The following SLC25A21 variants were observed in gnomAD, a reference collection of about 807,000 sequenced individuals.
SLC25A21 encodes solute carrier family 25 member 21, also known as mitochondrial 2-oxodicarboxylate carrier.
A neutral mutation model predicts 43.8 loss-of-function variants in SLC25A21; 47 were observed. The observed-to-expected ratio is 1.07, with a 90% CI of 0.85 to 1.37. The LOEUF (loss-of-function observed/expected upper bound fraction) is 1.37. SLC25A21 is among the 40% of genes most tolerant of loss of function. The probability of loss-of-function intolerance (pLI) is 0.00; values close to 1 mark genes in which losing one functional copy is unlikely to be tolerated. For missense variants in SLC25A21, 352 were observed against 350.2 expected (o/e 1.00, Z -0.04); for synonymous variants, 131 against 121.3 (o/e 1.08, Z -0.52).
intron 1 of SLC25A21, among the ~76,000 whole-genome samples, chr14:36,889,442 T>C (rs1216472454): frequency 2.0e-5 from 3 of 152,194 alleles, no homozygotes; most frequent in Non-Finnish European, 2.9e-5. Context: ...TGTAATAACA[T>C]TGAATACATT....
chr14:36,977,349 C>T (rs1313549983), intron 1 of SLC25A21, among the ~76,000 whole-genome samples: 1 of 152,146 alleles, frequency 6.6e-6, no homozygotes, highest in Non-Finnish European at 1.5e-5. Context: ...ATATTCTTTG[C>T]TTAGAAGGCC....
At chr14:36,801,178 C>T (rs1205408447) in intron 3 of SLC25A21, among the ~76,000 whole-genome samples, 3 of 152,134 alleles carry the variant, frequency 2.0e-5, no homozygotes, top group Admixed American at 6.6e-5. Flanking sequence ...TCCTCAGCCT[C>T]AAGGGGCTAC....
intron 1 of SLC25A21, among the ~76,000 whole-genome samples, chr14:37,015,816 G>GT (rs1385437247): frequency 6.6e-6 from 1 of 152,128 alleles, no homozygotes; most frequent in Non-Finnish European, 1.5e-5. Context: ...TTTTTCATGT[G>GT]TTTTTTGGCT....
chr14:36,812,417 A>C (rs1313513666), intron 3 of SLC25A21, among the ~76,000 whole-genome samples: 3 of 151,486 alleles, frequency 2.0e-5, no homozygotes, highest in Non-Finnish European at 4.4e-5. Context: ...ATAGCTAGCA[A>C]TGTACTTTAC....
Position 36,680,782 on chromosome 14 carries a change from G to A in SLC25A21, c.839-63C>T, listed in dbSNP as rs139819124. ...CTGGAATAGCACTGGCTTTCCCACT[G>A]GGTTTCTGAATCCATGATGTCTCGC... On this transcript the variant is annotated intron_variant, in intron 9 of 9. Coordinates refer to ENST00000331299, the MANE Select transcript of SLC25A21 (RefSeq NM_030631.4). The A allele has an allele frequency of 4.4e-5, 66 of 1,504,846 alleles. No individual in the cohort carries two copies. The African/African-American group carries it at 7.2e-4, about 16-fold the overall frequency. 93.2% of individuals were successfully genotyped at this position (1,504,846 alleles called of 1,614,324 possible).
intron 1 of SLC25A21, among the ~76,000 whole-genome samples, chr14:36,878,668 T>G (rs1890618954): frequency 6.6e-6 from 1 of 152,186 alleles, no homozygotes; most frequent in South Asian, 2.1e-4. Context: ...AATGAGCTAG[T>G]GAGCACAAAT....
At chr14:36,874,895 T>C (rs1348241542) in intron 2 of SLC25A21, 61 bp downstream of exon 2, 30 of 1,424,966 alleles carry the variant, frequency 2.1e-5, no homozygotes, top group Non-Finnish European at 2.7e-5. Context: ...TTTAGTGCTC[T>C]GACAGATCTT....
At chr14:36,686,581 ATAAG>A (rs1225556627) in intron 7 of SLC25A21, among the ~76,000 whole-genome samples, 4 of 152,184 alleles carry the variant, frequency 2.6e-5, no homozygotes, top group African/African-American at 7.2e-5. Context: ...AAACAATAAT[ATAAG>A]TAAAAGTGTT....
chr14:36,756,433 G>C (rs773897665), intron 3 of SLC25A21, among the ~76,000 whole-genome samples: 6 of 152,248 alleles, frequency 3.9e-5, no homozygotes, highest in African/African-American at 1.4e-4. Context: ...CTCCCCAGAG[G>C]TTTTGGATCT....
intron 2 of SLC25A21, among the ~76,000 whole-genome samples, chr14:36,819,505 C>T (rs1888558522): frequency 6.6e-6 from 1 of 151,968 alleles, no homozygotes; most frequent in African/African-American, 2.4e-5. Flanking sequence ...ATAGATATAC[C>T]ACTTCCACTT....
chr14:36,839,235 C>A lies in SLC25A21; in HGVS notation c.120-25234G>T, dbSNP rs111844005. Among the ~76,000 whole-genome samples the A allele has an allele frequency of 5.3e-3, 801 of 152,274 alleles. 7 individuals carry two copies. Among genetic ancestry groups the A allele is most frequent in the African/African-American group, 0.018 (729 of 41,556 alleles). Reference sequence around the variant, plus strand: ...ATTAGAAATCCTCATAGGATTAACACACTTAACTCATCTCTGAAACCAAAT... The same window carrying A: ...ATTAGAAATCCTCATAGGATTAACAAACTTAACTCATCTCTGAAACCAAAT... On this transcript the variant is annotated intron_variant, in intron 2 of 9. Coordinates refer to ENST00000331299, the MANE Select transcript of SLC25A21 (RefSeq NM_030631.4).
chr14:36,768,961 C>CTGTCTA (rs1434733446), intron 3 of SLC25A21, among the ~76,000 whole-genome samples: 1 of 149,830 alleles, frequency 6.7e-6, no homozygotes, highest in Non-Finnish European at 1.5e-5. Context: ...AAACCTATAT[C>CTGTCTA]TATCTATATC....
At chr14:36,963,247 T>C (rs1959538036) in intron 1 of SLC25A21, among the ~76,000 whole-genome samples, 2 of 152,174 alleles carry the variant, frequency 1.3e-5, no homozygotes, top group South Asian at 4.1e-4. Context: ...AAGCTTATTG[T>C]ATTTTTTAAA....
rs561280137 is a variant in SLC25A21 at position 36,799,478 on chromosome 14, T to A, written c.203+14440A>T. Among the ~76,000 whole-genome samples the A allele has an allele frequency of 3.1e-3, 467 of 152,224 alleles. 1 individual carries two copies. Among genetic ancestry groups the A allele is most frequent in the Non-Finnish European group, 5.4e-3 (365 of 68,010 alleles). ...AAATATATCAAGTAGTGCCCCGGCA[T>A]CCTGAAGAAACATTTGAAAAAATGT... On this transcript the variant is annotated intron_variant, in intron 3 of 9. Transcript: ENST00000331299.
chr14:37,157,045 C>T (rs1963862868), intron 1 of SLC25A21, among the ~76,000 whole-genome samples: 1 of 152,122 alleles, frequency 6.6e-6, no homozygotes, highest in South Asian at 2.1e-4. Context: ...ACACAAGTCA[C>T]AACAAATTTT....
chr14:36,745,492 G>A (rs746118727), intron 3 of SLC25A21, among the ~76,000 whole-genome samples: 7 of 151,994 alleles, frequency 4.6e-5, no homozygotes, highest in East Asian at 3.9e-4. Flanking sequence ...TCTCCACATC[G>A]TCTCCAGCCT....
At chr14:36,862,222 C>T (rs895760375) in intron 2 of SLC25A21, among the ~76,000 whole-genome samples, 3 of 152,076 alleles carry the variant, frequency 2.0e-5, no homozygotes, top group African/African-American at 7.2e-5. Context: ...GGACCTAGAA[C>T]CAGAAATACC....
chr14:36,743,681 A>G (rs1442941220), intron 3 of SLC25A21, among the ~76,000 whole-genome samples: 1 of 152,182 alleles, frequency 6.6e-6, no homozygotes, highest in African/African-American at 2.4e-5. Flanking sequence ...ATCATATTCA[A>G]CGTAGTACTG....
intron 1 of SLC25A21, among the ~76,000 whole-genome samples, chr14:36,949,902 A>G (rs1217962226): frequency 1.3e-5 from 2 of 152,204 alleles, no homozygotes; most frequent in African/African-American, 4.8e-5. Flanking sequence ...GGGGCTCTGG[A>G]CACATTCTGC....
Sources: gnomAD v4.1 joint callset for allele counts (sites outside exome capture counted in the v4.1 genomes callset) on GRCh38, gnomAD v4.1.1 for gene constraint, MANE v1.5 for transcripts, NCBI Gene and HGNC (gene_info 2026-07-23, HGNC 2026-07-21) for gene names.